Variants in CDH8 observed in about 807,000 individuals in gnomAD.
CDH8 encodes cadherin-8.
A neutral mutation model predicts 68.1 loss-of-function variants in CDH8; 17 were observed. The ratio of observed to expected loss-of-function variants is 0.25; its 90% CI spans 0.17 to 0.37. The LOEUF (loss-of-function observed/expected upper bound fraction) is 0.37. Ranked by LOEUF, CDH8 falls within the 10% of genes least tolerant of loss-of-function variation. The pLI, the probability that CDH8 is intolerant of heterozygous loss-of-function variation, is 1.00. For synonymous variants in CDH8, 372 were observed against 365.1 expected (o/e 1.02, Z -0.21); for missense variants, 763 against 999.3 (o/e 0.76, Z 3.19).
At chr16:61,764,555 T>C (rs148789790) in intron 8 of CDH8, among the ~76,000 whole-genome samples, 42 of 152,260 alleles carry the variant, frequency 2.8e-4, no homozygotes, top group African/African-American at 9.1e-4. Flanking sequence ...CTGTACATTT[T>C]AGTTCATCTC....
chr16:61,896,116 C>A (rs1278515618), intron 3 of CDH8, among the ~76,000 whole-genome samples: 8 of 152,104 alleles, frequency 5.3e-5, no homozygotes, highest in Non-Finnish European at 1.0e-4. Context: ...CTAGAACTTA[C>A]TAAAGGTAGG....
At chr16:61,691,101 G>A (rs1567424261) in intron 10 of CDH8, among the ~76,000 whole-genome samples, 1 of 152,034 alleles carries the variant, frequency 6.6e-6, no homozygotes, top group Non-Finnish European at 1.5e-5. Flanking sequence ...GATAAATCAT[G>A]CACCTTTGTT....
At chr16:61,945,036 G>T (rs2143558738) in intron 2 of CDH8, among the ~76,000 whole-genome samples, 1 of 152,256 alleles carries the variant, frequency 6.6e-6, no homozygotes, top group Non-Finnish European at 1.5e-5. Flanking sequence ...GGAAGATCCA[G>T]TATTGTTGCC....
At position 61,713,851 on chromosome 16, in the gene CDH8, C is replaced by G. The variant is rs1257508404; in HGVS notation, c.1644G>C (p.Lys548Asn). 1.0e-5 allele frequency: 16 copies of G among 1,540,518 alleles called. No individual in the cohort carries two copies. In the Admixed American group the frequency reaches 2.7e-4, roughly 26 times the overall value. ...EMVNNPNFTIKKNEDNSLSIL... is the reference protein window; with the variant it reads ...EMVNNPNFTINKNEDNSLSIL... ...AGCTAATATATTTACCTTCATTTTT[C>G]TTGATGGTGAAATTCGGATTGTTGA... The change falls in exon 10 of 12, where the codon AAG (lysine) becomes AAC (asparagine). Residue 548 changes from lysine (K) to asparagine (N), a missense_variant. Transcript: ENST00000577390.
chr16:61,956,840 G>A (rs1021878541), intron 2 of CDH8, among the ~76,000 whole-genome samples: 56 of 152,110 alleles, frequency 3.7e-4, no homozygotes, highest in African/African-American at 1.3e-3. Flanking sequence ...CTAGTTTGTA[G>A]GGTCCTTAAA....
At chr16:61,801,873 G>T (rs1439067833) in intron 7 of CDH8, among the ~76,000 whole-genome samples, 2 of 151,850 alleles carry the variant, frequency 1.3e-5, no homozygotes, top group East Asian at 3.9e-4. Flanking sequence ...CTGCAAGGCG[G>T]CAGCGAGGCT....
At chr16:62,026,944 T>G (rs1902210901) in intron 1 of CDH8, among the ~76,000 whole-genome samples, 1 of 152,226 alleles carries the variant, frequency 6.6e-6, no homozygotes, top group Non-Finnish European at 1.5e-5. Flanking sequence ...CTGCGAATAG[T>G]AGCTGCATAC....
chr16:61,966,839 C>A (rs533706748), intron 2 of CDH8, among the ~76,000 whole-genome samples: 1 of 152,240 alleles, frequency 6.6e-6, no homozygotes, highest in African/African-American at 2.4e-5. Flanking sequence ...GCACTAGAAC[C>A]TTTACATGCA....
chr16:61,959,532 C>T (rs936693059), intron 2 of CDH8, among the ~76,000 whole-genome samples: 1 of 127,572 alleles, frequency 7.8e-6, no homozygotes, highest in Non-Finnish European at 1.7e-5. Context: ...CCCTCTCTCT[C>T]TCTCTCTCTC....
At chr16:61,997,059 G>GT (rs528880963) in intron 2 of CDH8, among the ~76,000 whole-genome samples, 49 of 151,980 alleles carry the variant, frequency 3.2e-4, no homozygotes, top group Admixed American at 1.2e-3. Flanking sequence ...TCTGAGGAGT[G>GT]TTTTTTTAAA....
In CDH8 at chr16:61,883,505, T is replaced by C. The variant is rs900112195; in HGVS notation, c.547+17674A>G. ...TTATATATTAACATATATTTTACAT[T>C]TTATTTCATTTTTTAATCTGGCCTT... On this transcript the variant is annotated intron_variant, in intron 3 of 11. Transcript: ENST00000577390. Among the ~76,000 whole-genome samples, 7 of 152,142 alleles carry C rather than the reference T, an allele frequency of 4.6e-5. No homozygotes were observed. In the East Asian group the frequency reaches 1.2e-3, roughly 25 times the overall value.
At chr16:61,968,399 T>C (rs1171207710) in intron 2 of CDH8, among the ~76,000 whole-genome samples, 1 of 152,138 alleles carries the variant, frequency 6.6e-6, no homozygotes, top group Non-Finnish European at 1.5e-5. Context: ...GTGATAAAGG[T>C]TCTCTCAAAA....
intron 1 of CDH8, among the ~76,000 whole-genome samples, chr16:62,028,630 C>A (rs1296917104): frequency 6.6e-6 from 1 of 151,974 alleles, no homozygotes; most frequent in East Asian, 1.9e-4. Context: ...TGTTCTAGAA[C>A]CAGACCTTTA....
chr16:61,814,652 T>C (rs1422341931), intron 7 of CDH8, among the ~76,000 whole-genome samples: 1 of 152,138 alleles, frequency 6.6e-6, no homozygotes, highest in African/African-American at 2.4e-5. Flanking sequence ...GTGTATAAAA[T>C]ACAACAGTCC....
chr16:61,974,531 G>A (rs750297619), intron 2 of CDH8, among the ~76,000 whole-genome samples: 1 of 152,166 alleles, frequency 6.6e-6, no homozygotes, highest in Non-Finnish European at 1.5e-5. Flanking sequence ...ATTTGGCACT[G>A]TTATTGTTGG....
At chr16:61,794,794 C>T (rs1223057758) in intron 7 of CDH8, among the ~76,000 whole-genome samples, 1 of 152,154 alleles carries the variant, frequency 6.6e-6, no homozygotes, top group South Asian at 2.1e-4. Context: ...TGTCCTTGAA[C>T]TGATCATTGA....
intron 3 of CDH8, 24 bp from the exon 4 acceptor site, chr16:61,857,262 A>G: frequency 6.2e-7 from 1 of 1,600,216 alleles, no homozygotes; most frequent in Non-Finnish European, 8.5e-7. Context: ...GAAAGAAAAA[A>G]GATAATAATT....
intron 2 of CDH8, among the ~76,000 whole-genome samples, chr16:62,011,746 C>T (rs184897489): frequency 1.3e-5 from 2 of 152,256 alleles, no homozygotes; most frequent in East Asian, 3.9e-4. Context: ...AACTAGCTCC[C>T]ATGTGTTGCT....
At chr16:61,709,717 G>A (rs1239187750) in intron 10 of CDH8, among the ~76,000 whole-genome samples, 2 of 148,264 alleles carry the variant, frequency 1.3e-5, no homozygotes, top group African/African-American at 4.9e-5. Context: ...TTTTGGCAAT[G>A]GAGCTATAGA....
Sources: gnomAD v4.1 joint callset for allele counts (sites outside exome capture counted in the v4.1 genomes callset) on GRCh38, gnomAD v4.1.1 for gene constraint, MANE v1.5 for transcripts, NCBI Gene and HGNC (gene_info 2026-07-23, HGNC 2026-07-21) for gene names.